The following BAZ2B variants were observed in gnomAD, a reference collection of about 807,000 sequenced individuals.
The protein encoded by BAZ2B is bromodomain adjacent to zinc finger domain protein 2B.
In BAZ2B, 91 loss-of-function variants were observed where a neutral mutation model predicts 246.0. The ratio of observed to expected loss-of-function variants is 0.37; its 90% CI spans 0.31 to 0.44. The LOEUF (loss-of-function observed/expected upper bound fraction) is 0.44. Among genes scored for constraint, BAZ2B ranks in the 20% least tolerant of loss-of-function variants. The probability of loss-of-function intolerance (pLI) is 1.00; values close to 1 mark genes in which losing one functional copy is unlikely to be tolerated. For missense variants in BAZ2B, 2,332 were observed against 2,533.7 expected (o/e 0.92, Z 1.71); for synonymous variants, 855 against 860.0 (o/e 0.99, Z 0.10).
intron 2 of BAZ2B, among the ~76,000 whole-genome samples, chr2:159,483,890 T>C (rs922478424): frequency 4.7e-5 from 7 of 150,530 alleles, no homozygotes; most frequent in Admixed American, 2.0e-4. Flanking sequence ...CAAAACACTA[T>C]AGTAAAAAAA....
At chr2:159,455,061 T>C (rs989943276) in intron 3 of BAZ2B, among the ~76,000 whole-genome samples, 2 of 152,164 alleles carry the variant, frequency 1.3e-5, no homozygotes, top group Non-Finnish European at 2.9e-5. Flanking sequence ...GAATTTACTG[T>C]GTGAACAGTA....
At chr2:159,574,169 A>AG (rs372002952) in intron 1 of BAZ2B, among the ~76,000 whole-genome samples, 1 of 141,460 alleles carries the variant, frequency 7.1e-6, no homozygotes, top group Non-Finnish European at 1.6e-5. Flanking sequence ...ACACACACAC[A>AG]CACAGCACAA....
chr2:159,438,252 C>T (rs2072773304), intron 8 of BAZ2B, 51 bp downstream of exon 8: 2 of 1,476,626 alleles, frequency 1.4e-6, no homozygotes, highest in Non-Finnish European at 9.2e-7. Flanking sequence ...AATATAGAAG[C>T]TCTATCTTTC....
At chr2:159,624,163 G>A in the BAZ2B span, among the ~76,000 whole-genome samples, 1 of 152,216 alleles carries the variant, frequency 6.6e-6, no homozygotes, top group South Asian at 2.1e-4. Flanking sequence ...TCTCTGGGCA[G>A]GGCATCTCTG....
At chr2:159,325,613 G>T in intron 35 of BAZ2B, 40 bp downstream of exon 35, 1 of 1,538,830 alleles carries the variant, frequency 6.5e-7, no homozygotes, top group Non-Finnish European at 8.7e-7. Flanking sequence ...AATAAAATGG[G>T]GCATTATAAA....
intron 1 of BAZ2B, among the ~76,000 whole-genome samples, chr2:159,559,526 G>A (rs978542533): frequency 6.6e-6 from 1 of 151,818 alleles, no homozygotes; most frequent in Non-Finnish European, 1.5e-5. Flanking sequence ...TTGATTTTTT[G>A]GAAAAATTAT....
chr2:159,401,891 C>T (rs1335773043), intron 16 of BAZ2B, among the ~76,000 whole-genome samples: 1 of 152,146 alleles, frequency 6.6e-6, no homozygotes, highest in Non-Finnish European at 1.5e-5. Context: ...TTGTACTTAT[C>T]CTAGAATTTC....
At chr2:159,330,027 G>C (rs1372348144) in intron 34 of BAZ2B, among the ~76,000 whole-genome samples, 1 of 152,148 alleles carries the variant, frequency 6.6e-6, no homozygotes, top group Non-Finnish European at 1.5e-5. Context: ...GAAGACTGCT[G>C]TTAAGTTATA....
intron 2 of BAZ2B, among the ~76,000 whole-genome samples, chr2:159,550,617 G>T (rs944862171): frequency 6.6e-6 from 1 of 151,998 alleles, no homozygotes; most frequent in Non-Finnish European, 1.5e-5. Context: ...CAGTATTAGG[G>T]ACAACTATCA....
chr2:159,555,090 AT>A (rs72324855), intron 2 of BAZ2B, among the ~76,000 whole-genome samples: 6,598 of 93,784 alleles, frequency 0.07, 362 homozygotes, highest in African/African-American at 0.19. Context: ...GTGTGTGTGT[AT>A]TTTTTTTTTT....
the BAZ2B span, among the ~76,000 whole-genome samples, chr2:159,625,293 CA>C: frequency 1.6e-4 from 25 of 152,126 alleles, no homozygotes; most frequent in East Asian, 7.7e-4. Flanking sequence ...CCTAGCAAGA[CA>C]GGCCAACATT....
chr2:159,444,894 T>C (rs2074003371), intron 6 of BAZ2B: 1 of 152,264 alleles, frequency 6.6e-6, no homozygotes, highest in Admixed American at 6.5e-5. Flanking sequence ...TTCCCAAATG[T>C]TTGCAGTTGA....
chr2:159,526,985 C>T (rs1317167568), intron 2 of BAZ2B, among the ~76,000 whole-genome samples: 1 of 148,240 alleles, frequency 6.7e-6, no homozygotes. Context: ...AACTATTTTT[C>T]AGAGTGGTTG....
chr2:159,339,255 C>T (rs909130771), intron 31 of BAZ2B, among the ~76,000 whole-genome samples: 3 of 152,046 alleles, frequency 2.0e-5, no homozygotes, highest in African/African-American at 7.2e-5. Context: ...AATAAATATA[C>T]GGCACTGAGA....
intron 2 of BAZ2B, among the ~76,000 whole-genome samples, chr2:159,530,012 T>G (rs17495716): frequency 0.19 from 28,511 of 152,158 alleles, 3,642 homozygotes; most frequent in Non-Finnish European, 0.28. Context: ...AGCTTTCAAC[T>G]CTAACTTTTC....
In BAZ2B at chr2:159,521,886, TAATTGC is replaced by T. The variant is rs1052499776; in HGVS notation, c.-3+33931_-3+33936del. 7.2e-5 allele frequency among the ~76,000 whole-genome samples: 11 copies of T among 152,156 alleles called. No homozygotes were observed. In the East Asian group the frequency reaches 1.5e-3, roughly 21 times the overall value. ...TCACATAAATTCTATGTGAAAACTT[TAATTGC>T]AAGGCGAGTGCTTACTTATTTAATA... On this transcript the variant is annotated intron_variant, in intron 2 of 36. Coordinates refer to ENST00000392783, the MANE Select transcript of BAZ2B (RefSeq NM_013450.4).
chr2:159,554,905 TA>T (rs1030078728), intron 2 of BAZ2B, among the ~76,000 whole-genome samples: 1 of 151,938 alleles, frequency 6.6e-6, no homozygotes, highest in Non-Finnish European at 1.5e-5. Context: ...ACACTTAAAA[TA>T]AAATTAAAAA....
At chr2:159,376,946 A>C (rs4665064) in intron 25 of BAZ2B, among the ~76,000 whole-genome samples, 49,697 of 152,030 alleles carry the variant, frequency 0.33, 10,104 homozygotes, top group Non-Finnish European at 0.47. Flanking sequence ...CCAACCAAAA[A>C]ACAGCATCAT....
intron 1 of BAZ2B, among the ~76,000 whole-genome samples, chr2:159,568,424 CA>C (rs1355978652): frequency 1.3e-5 from 2 of 151,674 alleles, no homozygotes; most frequent in East Asian, 1.9e-4. Context: ...AGGCATGCAA[CA>C]AAAAAATTAT....
Sources: gnomAD v4.1 joint callset for allele counts (sites outside exome capture counted in the v4.1 genomes callset) on GRCh38, gnomAD v4.1.1 for gene constraint, MANE v1.5 for transcripts, NCBI Gene and HGNC (gene_info 2026-07-23, HGNC 2026-07-21) for gene names.